The following NRXN3 variants were observed in gnomAD, a reference collection of about 807,000 sequenced individuals.
NRXN3 encodes the protein neurexin III.
Under a neutral mutation model 137.6 loss-of-function variants are expected in NRXN3, and 32 were observed. The observed-to-expected ratio is 0.23, with a 90% CI of 0.18 to 0.31. The LOEUF is 0.31. Among genes scored for constraint, NRXN3 ranks in the 10% least tolerant of loss-of-function variants. NRXN3 has a pLI of 1.00. For synonymous variants in NRXN3, 798 were observed against 784.5 expected (o/e 1.02, Z -0.29); for missense variants, 1,574 against 2,062.5 (o/e 0.76, Z 4.59).
At chr14:78,913,796 A>G (rs2099247599) in intron 10 of NRXN3, among the ~76,000 whole-genome samples, 1 of 152,132 alleles carries the variant, frequency 6.6e-6, no homozygotes, top group African/African-American at 2.4e-5. Context: ...CTTTGTTTGG[A>G]GATGCCTCAT....
intron 10 of NRXN3, among the ~76,000 whole-genome samples, chr14:78,882,422 C>G (rs1240501782): frequency 6.6e-6 from 1 of 151,816 alleles, no homozygotes; most frequent in South Asian, 2.1e-4. Flanking sequence ...CTGTACCCTA[C>G]AAAGCCACAG....
At chr14:79,604,496 A>G (rs929878770) in intron 16 of NRXN3, among the ~76,000 whole-genome samples, 3 of 150,822 alleles carry the variant, frequency 2.0e-5, no homozygotes, top group Non-Finnish European at 2.9e-5. Context: ...TGGCCTCCAA[A>G]AGCGGTAGGA....
intron 15 of NRXN3, among the ~76,000 whole-genome samples, chr14:79,060,785 A>G (rs1040865920): frequency 1.3e-5 from 2 of 151,166 alleles, no homozygotes; most frequent in African/African-American, 4.9e-5. Context: ...TTTTTTTCTT[A>G]TAACCTCTCT....
chr14:79,438,688 T>C (rs1262027587), intron 15 of NRXN3, among the ~76,000 whole-genome samples: 2 of 152,238 alleles, frequency 1.3e-5, no homozygotes, highest in African/African-American at 4.8e-5. Flanking sequence ...TAAACAAATA[T>C]GTGTCTAATT....
At chr14:79,445,571 A>C (rs2096050141) in intron 15 of NRXN3, among the ~76,000 whole-genome samples, 1 of 152,136 alleles carries the variant, frequency 6.6e-6, no homozygotes, top group African/African-American at 2.4e-5. Context: ...GGGATGAGGG[A>C]AAGTTGCTAC....
At position 78,487,790 on chromosome 14, in the gene NRXN3, A is replaced by T. The variant is rs145366008; in HGVS notation, c.758-157330A>T. Among the ~76,000 whole-genome samples, 1,637 of 138,206 alleles carry T rather than the reference A, an allele frequency of 0.012. 135 individuals carry two copies. In the East Asian group the frequency reaches 0.26, roughly 22 times the overall value. The allele number at this position is 138,206 out of a possible 152,430, so 90.7% of individuals were successfully genotyped here. Reference sequence around the variant, plus strand: ...AAATAAATAAATAAATAAATAAATAAAGATAGATTTGTCCTGAAACTTAAA... The same window carrying T: ...AAATAAATAAATAAATAAATAAATATAGATAGATTTGTCCTGAAACTTAAA... On this transcript the variant is annotated intron_variant, in intron 4 of 20. Transcript: ENST00000335750.
chr14:79,022,788 C>T (rs1193247003), intron 15 of NRXN3, among the ~76,000 whole-genome samples: 1 of 152,130 alleles, frequency 6.6e-6, no homozygotes, highest in Non-Finnish European at 1.5e-5. Context: ...GATTAATCTT[C>T]CCTAATGGTT....
At chr14:79,651,996 G>A (rs2098478556) in intron 16 of NRXN3, among the ~76,000 whole-genome samples, 1 of 152,148 alleles carries the variant, frequency 6.6e-6, no homozygotes, top group South Asian at 2.1e-4. Context: ...GAAGACTCAG[G>A]ATTCCACTGA....
At chr14:79,429,248 T>C (rs1311179269) in intron 15 of NRXN3, among the ~76,000 whole-genome samples, 6 of 152,160 alleles carry the variant, frequency 3.9e-5, no homozygotes, top group Non-Finnish European at 2.9e-5. Context: ...TCCAGACAAA[T>C]GGGTCCAATC....
intron 18 of NRXN3, among the ~76,000 whole-genome samples, chr14:79,694,637 T>A (rs574020690): frequency 1.4e-3 from 213 of 152,112 alleles, no homozygotes; most frequent in African/African-American, 5.1e-3. Context: ...TGGGGAAATC[T>A]TGGGCAAATG....
At chr14:78,210,457 A>C (rs1367410830) in intron 1 of NRXN3, among the ~76,000 whole-genome samples, 3 of 152,220 alleles carry the variant, frequency 2.0e-5, no homozygotes, top group Non-Finnish European at 4.4e-5. Flanking sequence ...TCAGGCCATA[A>C]CACTGCCATT....
At chr14:78,684,050 G>A (rs2098102880) in intron 6 of NRXN3, among the ~76,000 whole-genome samples, 2 of 152,164 alleles carry the variant, frequency 1.3e-5, no homozygotes, top group African/African-American at 4.8e-5. Flanking sequence ...TCTACTTGGA[G>A]ATCATATTGT....
intron 15 of NRXN3, among the ~76,000 whole-genome samples, chr14:79,372,854 T>G (rs2094151057): frequency 1.3e-5 from 2 of 152,142 alleles, no homozygotes; most frequent in African/African-American, 4.8e-5. Context: ...CTATTTTTAT[T>G]TTTATCGTGC....
chr14:79,754,243 G>A lies in NRXN3; in HGVS notation c.4015-50869G>A, dbSNP rs148064853. ...TGTAATCCCAGCTGCTCGGGAGGCTGAGGCATAAGAATCACTTAAACCAGG... is the reference window on the plus strand; with the variant it reads ...TGTAATCCCAGCTGCTCGGGAGGCTAAGGCATAAGAATCACTTAAACCAGG... On this transcript the variant is annotated intron_variant, in intron 19 of 20. Coordinates refer to ENST00000335750, the MANE Select transcript of NRXN3 (RefSeq NM_001330195.2). Among the ~76,000 whole-genome samples the A allele has an allele frequency of 6.8e-4, 103 of 152,100 alleles. 1 individual carries two copies. The East Asian group carries it at 0.016, about 24-fold the overall frequency.
chr14:78,506,643 GTTTT>G (rs71131653), intron 4 of NRXN3, among the ~76,000 whole-genome samples: 1,668 of 104,592 alleles, frequency 0.016, 4 homozygotes, highest in Non-Finnish European at 0.019. Context: ...TCTCATTGTA[GTTTT>G]TTTTTTTTTT....
At chr14:78,281,651 C>T (rs922943292) in intron 3 of NRXN3, among the ~76,000 whole-genome samples, 1 of 152,174 alleles carries the variant, frequency 6.6e-6, no homozygotes, top group South Asian at 2.1e-4. Context: ...TAACAATAAG[C>T]ACTTGGCAGG....
intron 15 of NRXN3, among the ~76,000 whole-genome samples, chr14:79,384,276 G>T (rs1039356563): frequency 6.6e-6 from 1 of 152,156 alleles, no homozygotes; most frequent in Non-Finnish European, 1.5e-5. Context: ...GAGGGGAAGG[G>T]AGGCAGATAT....
chr14:79,354,753 G>A (rs539231452), intron 15 of NRXN3, among the ~76,000 whole-genome samples: 2 of 152,234 alleles, frequency 1.3e-5, no homozygotes, highest in South Asian at 4.1e-4. Context: ...GTTCATTTTT[G>A]TTTTCAAATC....
In NRXN3 at chr14:79,399,698, G is replaced by GT. The variant is rs548970444; in HGVS notation, c.3263-67522dup. ...CGTTGTGCTCAAGGCTATGGCAGATGTAAGTTTATAATATGACCACTTACA... is the reference window on the plus strand; with the variant it reads ...CGTTGTGCTCAAGGCTATGGCAGATGTTAAGTTTATAATATGACCACTTACA... On this transcript the variant is annotated intron_variant, in intron 15 of 20. Transcript: ENST00000335750. 2.6e-3 allele frequency among the ~76,000 whole-genome samples: 391 copies of GT among 152,322 alleles called. 4 individuals carry two copies. Among genetic ancestry groups the GT allele is most frequent in the African/African-American group, 8.8e-3 (364 of 41,576 alleles).
Sources: allele counts gnomAD v4.1 joint callset (sites outside exome capture counted in the v4.1 genomes callset), GRCh38; gene constraint gnomAD v4.1.1; transcripts MANE v1.5; gene names NCBI Gene and HGNC (gene_info 2026-07-23, HGNC 2026-07-21).